The following EGFR variants were observed in gnomAD, a reference collection of about 807,000 sequenced individuals.
The protein encoded by EGFR is avian erythroblastic leukemia viral (v-erb-b) oncogene homolog.
EGFR carries 58 observed loss-of-function variants against 143.0 expected under a neutral mutation model. That is an observed-to-expected ratio of 0.41 (90% confidence interval 0.33 to 0.50). The LOEUF is 0.50. EGFR is among the 20% of genes least tolerant of loss of function. EGFR has a pLI of 0.39. For missense variants in EGFR, 1,307 were observed against 1,579.0 expected (o/e 0.83, Z 2.92); for synonymous variants, 613 against 594.4 (o/e 1.03, Z -0.45).
chr7:55,028,526 T>C (rs1166909341), intron 1 of EGFR, among the ~76,000 whole-genome samples: 1 of 152,218 alleles, frequency 6.6e-6, no homozygotes, highest in African/African-American at 2.4e-5. Context: ...GTTTTGTTTA[T>C]TTACCAGCAA....
At chr7:55,130,280 A>T (rs1378253894) in intron 1 of EGFR, among the ~76,000 whole-genome samples, 3 of 152,198 alleles carry the variant, frequency 2.0e-5, no homozygotes, top group African/African-American at 7.2e-5. Flanking sequence ...TGGTCTGTTA[A>T]TTAGCAGCTC....
chr7:55,176,861 G>A (rs1236875728), intron 19 of EGFR, among the ~76,000 whole-genome samples: 1 of 126,216 alleles, frequency 7.9e-6, no homozygotes, highest in African/African-American at 2.9e-5. Context: ...TATATATTTA[G>A]AGATTTATAT....
intron 1 of EGFR, among the ~76,000 whole-genome samples, chr7:55,052,409 C>T (rs750451121): frequency 4.6e-5 from 7 of 152,340 alleles, no homozygotes; most frequent in African/African-American, 1.4e-4. Context: ...CTGCCTGAGT[C>T]GCCCACTTTA....
At position 55,205,600 on chromosome 7, in the gene EGFR, G is replaced by C. The variant is rs2128975683; in HGVS notation, c.3616G>C (p.Glu1206Gln). ...CCTAAGGGTCGCGCCACAAAGCAGTGAATTTATTGGAGCATGACCACGGAG... is the reference window on the plus strand; with the variant it reads ...CCTAAGGGTCGCGCCACAAAGCAGTCAATTTATTGGAGCATGACCACGGAG... Reference protein sequence around the residue: ...EYLRVAPQSSEFIGA With the variant: ...EYLRVAPQSSQFIGA The change falls in exon 28 of 28, where the codon GAA becomes CAA. Residue 1206 changes from glutamate to glutamine, a missense_variant. Glu to Gln is a conservative substitution (Grantham distance 29). This residue lies in a region of EGFR where 313 missense variants were observed against 312.3 expected (regional missense o/e 1.00). Coordinates refer to ENST00000275493, the MANE Select transcript of EGFR (RefSeq NM_005228.5). 1 of 1,614,178 alleles carries C rather than the reference G, an allele frequency of 6.2e-7. No individual in the cohort carries two copies. The highest frequency in any genetic ancestry group is 8.5e-7 in the Non-Finnish European group (1 of 1,180,032).
rs549021773 is a variant in EGFR, at chr7:55,108,301, A to G, written c.89-33985A>G. Among the ~76,000 whole-genome samples the G allele has an allele frequency of 2.6e-5, 4 of 152,372 alleles. No homozygotes were observed. The South Asian group carries it at 6.2e-4, about 24-fold the overall frequency. ...TTATAACTCATGTTCGGAACTGTCC[A>G]TGTTCACGCACAGGGGCCGTATCAC... On this transcript the variant is annotated intron_variant, in intron 1 of 27. Transcript: ENST00000275493.
At chr7:55,151,165 A>G (rs1473086007) in intron 4 of EGFR, 129 bp from the exon 5 acceptor site, 2 of 954,578 alleles carry the variant, frequency 2.1e-6, no homozygotes, top group Non-Finnish European at 3.4e-6. Context: ...CCAGCCAGCC[A>G]AACAATCAGA....
intron 1 of EGFR, among the ~76,000 whole-genome samples, chr7:55,050,014 T>C (rs1788397293): frequency 6.6e-6 from 1 of 152,204 alleles, no homozygotes; most frequent in African/African-American, 2.4e-5. Flanking sequence ...TCTTCACTCT[T>C]CTGCCAAGCC....
chr7:55,168,982 A>G (rs1786208745), intron 15 of EGFR, among the ~76,000 whole-genome samples: 2 of 152,164 alleles, frequency 1.3e-5, no homozygotes, highest in Non-Finnish European at 2.9e-5. Context: ...CAACTTGTGA[A>G]CAGCAGCATC....
intron 1 of EGFR, among the ~76,000 whole-genome samples, chr7:55,056,790 C>T (rs1226292545): frequency 6.6e-6 from 1 of 152,204 alleles, no homozygotes; most frequent in African/African-American, 2.4e-5. Flanking sequence ...GATCCAAATT[C>T]CACATGAGCC....
chr7:55,171,009 G>T, intron 15 of EGFR, 166 bp from the exon 16 acceptor site: 3 of 1,477,072 alleles, frequency 2.0e-6, no homozygotes, highest in Non-Finnish European at 2.7e-6. Flanking sequence ...ATGAATAAAT[G>T]CATAATAAAT....
intron 16 of EGFR, among the ~76,000 whole-genome samples, chr7:55,171,671 A>C (rs868225970): frequency 3.3e-5 from 5 of 152,182 alleles, no homozygotes; most frequent in Middle Eastern, 3.2e-3. Context: ...ACTGCCCAGC[A>C]AAGGCAAAAG....
At chr7:55,056,423 C>G (rs1788822758) in intron 1 of EGFR, among the ~76,000 whole-genome samples, 1 of 152,162 alleles carries the variant, frequency 6.6e-6, no homozygotes. Flanking sequence ...ACTTCCTGCT[C>G]TTCTCAACAA....
chr7:55,204,271 A>C (rs1788003552), intron 27 of EGFR, among the ~76,000 whole-genome samples: 1 of 143,818 alleles, frequency 7.0e-6, no homozygotes, highest in South Asian at 2.3e-4. Flanking sequence ...CACACACACC[A>C]CACATACATA....
At chr7:55,192,042 T>C (rs1313608745) in intron 21 of EGFR, among the ~76,000 whole-genome samples, 168 bp downstream of exon 21, 4 of 152,088 alleles carry the variant, frequency 2.6e-5, no homozygotes, top group Non-Finnish European at 4.4e-5. Context: ...GGTCTCCTGG[T>C]AGTGTGAGCC....
At position 55,149,493 on chromosome 7, in the gene EGFR, T is replaced by C. The variant is rs117372582; in HGVS notation, c.560-1801T>C. Among the ~76,000 whole-genome samples the C allele has an allele frequency of 4.9e-4, 75 of 152,220 alleles. No individual in the cohort carries two copies. In the East Asian group the frequency reaches 0.013, roughly 27 times the overall value. The stretch of plus-strand genomic sequence containing the variant: ...AAGCATCACACCTTCCTTTGCAAAG[T>C]ATTTGGGTTCCTTTTGCTTTTAAAC... On this transcript the variant is annotated intron_variant, in intron 4 of 27. Coordinates refer to ENST00000275493, the MANE Select transcript of EGFR (RefSeq NM_005228.5).
At position 55,034,848 on chromosome 7, in the gene EGFR, G is replaced by A. The variant is rs115645922; in HGVS notation, c.88+15483G>A. Among the ~76,000 whole-genome samples, 1,515 of 152,284 alleles carry A rather than the reference G, an allele frequency of 9.9e-3. 18 individuals carry two copies. Among genetic ancestry groups the A allele is most frequent in the African/African-American group, 0.034 (1,420 of 41,556 alleles). ...AAACACCAAACATGGAAAAGCTAAC[G>A]GTTCAAAGTTAATAATTTATCTTAT... On this transcript the variant is annotated intron_variant, in intron 1 of 27. Transcript: ENST00000275493.
chr7:55,106,806 G>A (rs570172959), intron 1 of EGFR, among the ~76,000 whole-genome samples: 25 of 152,212 alleles, frequency 1.6e-4, no homozygotes, highest in Admixed American at 6.5e-4. Context: ...AATGTACACT[G>A]TAAAGTGTAC....
At chr7:55,192,545 T>G (rs55897638) in intron 21 of EGFR, among the ~76,000 whole-genome samples, 214 of 152,282 alleles carry the variant, frequency 1.4e-3, no homozygotes, top group Middle Eastern at 6.8e-3. Flanking sequence ...CAGAGCAGCC[T>G]GGGACACAGA....
At chr7:55,028,678 C>G (rs1053827062) in intron 1 of EGFR, among the ~76,000 whole-genome samples, 8 of 152,116 alleles carry the variant, frequency 5.3e-5, no homozygotes, top group African/African-American at 1.9e-4. Context: ...ACTAGACAAA[C>G]TATTTTAAGT....
Sources: allele counts gnomAD v4.1 joint callset (sites outside exome capture counted in the v4.1 genomes callset), GRCh38; gene constraint gnomAD v4.1.1; regional missense constraint gnomAD v4.1.1; transcripts MANE v1.5; gene names NCBI Gene and HGNC (gene_info 2026-07-23, HGNC 2026-07-21).